Variants in DGCR2 observed in about 807,000 individuals in gnomAD.
DGCR2 encodes the protein integral membrane protein DGCR2/IDD.
In DGCR2, 24 loss-of-function variants were observed where a neutral mutation model predicts 51.6. The ratio of observed to expected loss-of-function variants is 0.47; its 90% CI spans 0.34 to 0.65. The LOEUF (loss-of-function observed/expected upper bound fraction) is 0.65, where lower values mean the gene tolerates loss of function less well. Among genes scored for constraint, DGCR2 ranks in the 30% least tolerant of loss-of-function variants. The pLI is 0.01. For synonymous variants in DGCR2, 340 were observed against 315.4 expected, an observed-to-expected ratio of 1.08 and a Z score of -0.82; for missense variants, 765 against 772.1, an observed-to-expected ratio of 0.99 and a Z score of 0.11.
chr22:19,072,157 C>T (rs1307728150), intron 2 of DGCR2, among the ~76,000 whole-genome samples: 1 of 152,112 alleles, frequency 6.6e-6, no homozygotes, highest in Non-Finnish European at 1.5e-5. Flanking sequence ...GGTTAGGGGA[C>T]ACCAGTTCAG....
Position 19,064,343 on chromosome 22 carries a change from G to C in DGCR2, c.548+505C>G, listed in dbSNP as rs568020551. Reference sequence around the variant, plus strand: ...TAAGAGTTAGTTTCCTCCCTTTGTAGCTGCAGAAGGAAAAACAACTCCGTC... The same window carrying C: ...TAAGAGTTAGTTTCCTCCCTTTGTACCTGCAGAAGGAAAAACAACTCCGTC... On this transcript the variant is annotated intron_variant, in intron 4 of 9. Coordinates refer to ENST00000263196, the MANE Select transcript of DGCR2 (RefSeq NM_005137.3). 4.5e-4 allele frequency among the ~76,000 whole-genome samples: 69 copies of C among 152,350 alleles called. 2 individuals carry two copies. Among genetic ancestry groups the C allele is most frequent in the Non-Finnish European group, 2.1e-4 (14 of 68,032 alleles).
intron 2 of DGCR2, among the ~76,000 whole-genome samples, chr22:19,074,388 C>T (rs1220119921): frequency 6.7e-6 from 1 of 150,246 alleles, no homozygotes; most frequent in Non-Finnish European, 1.5e-5. Flanking sequence ...CCACTCCACT[C>T]CAGCCTGGGC....
At chr22:19,105,184 G>A (rs2083248844) in intron 1 of DGCR2, among the ~76,000 whole-genome samples, 6 of 152,168 alleles carry the variant, frequency 3.9e-5, no homozygotes, top group Admixed American at 3.3e-4. Context: ...TTAGCTGGGC[G>A]TGGTGGCGCA....
intron 2 of DGCR2, among the ~76,000 whole-genome samples, chr22:19,085,526 GAC>G (rs2083005127): frequency 6.6e-6 from 1 of 152,220 alleles, no homozygotes; most frequent in Non-Finnish European, 1.5e-5. Flanking sequence ...TAGGGCAAAT[GAC>G]ACACAGAAGC....
intron 4 of DGCR2, among the ~76,000 whole-genome samples, chr22:19,063,530 T>TA (rs1555904168): frequency 2.0e-5 from 3 of 150,800 alleles, no homozygotes; most frequent in Admixed American, 2.0e-4. Flanking sequence ...TTTTTTTTTT[T>TA]AGTAGAGACG....
rs776627102 is a variant in DGCR2, at chr22:19,064,957, G to A, written c.439C>T (p.Arg147Cys). 6 of 1,614,014 alleles carry A rather than the reference G, an allele frequency of 3.7e-6. No individual in the cohort carries two copies. The highest frequency in any genetic ancestry group is 2.2e-5 in the East Asian group (1 of 44,886). Residue 147 changes from arginine (R) to cysteine (C), a missense_variant, in exon 4 of 10, where the codon CGC becomes TGC. By Grantham distance (180) the Arg-to-Cys change is radical. This residue lies in a region of DGCR2 where 370 missense variants were observed against 325.5 expected (regional missense o/e 1.14). Transcript: ENST00000263196. ...NYWDAAQTCQRLNGSLATFST... is the reference protein window; with the variant it reads ...NYWDAAQTCQCLNGSLATFST... ...AAGGTGGCGAGAGAGCCATTCAGGC[G>A]CTGGCAGGTCTGCGCGGCATCCCAG...
intron 2 of DGCR2, among the ~76,000 whole-genome samples, chr22:19,077,399 T>G (rs2082890400): frequency 6.6e-6 from 1 of 152,252 alleles, no homozygotes; most frequent in East Asian, 1.9e-4. Flanking sequence ...TCTTTTGATT[T>G]GTATGTCCAG....
chr22:19,082,231 T>TC (rs1338820251), intron 2 of DGCR2, among the ~76,000 whole-genome samples: 2 of 145,054 alleles, frequency 1.4e-5, no homozygotes, highest in East Asian at 4.0e-4. Context: ...TCTTTTTTTT[T>TC]TTTTTTTTTT....
chr22:19,072,973 G>A (rs1044904926), intron 2 of DGCR2, among the ~76,000 whole-genome samples: 3 of 151,980 alleles, frequency 2.0e-5, no homozygotes, highest in Admixed American at 2.0e-4. Flanking sequence ...AAATGAACAG[G>A]AGGCCAGGTG....
At chr22:19,061,650 G>T (rs560913960) in intron 5 of DGCR2, 14 of 152,080 alleles carry the variant, frequency 9.2e-5, no homozygotes, top group Non-Finnish European at 2.1e-4. Flanking sequence ...CTGCATCAAG[G>T]GCCAGTTATC....
chr22:19,062,779 A>ATTCATTCATTCTCT, intron 5 of DGCR2, among the ~76,000 whole-genome samples: 11 of 127,456 alleles, frequency 8.6e-5, no homozygotes, highest in Non-Finnish European at 1.1e-4. Flanking sequence ...ATGCATGCTC[A>ATTCATTCATTCTCT]CTCTCTCTCT....
chr22:19,043,948 C>T (rs115249810), intron 7 of DGCR2, among the ~76,000 whole-genome samples: 1 of 152,306 alleles, frequency 6.6e-6, no homozygotes, highest in African/African-American at 2.4e-5. Context: ...TTCCTGATGC[C>T]TCTGACCCTC....
At chr22:19,062,779 A>ACACTCT (rs1555903895) in intron 5 of DGCR2, among the ~76,000 whole-genome samples, 5 of 127,354 alleles carry the variant, frequency 3.9e-5, no homozygotes, top group South Asian at 5.7e-4. Flanking sequence ...ATGCATGCTC[A>ACACTCT]CTCTCTCTCT....
intron 2 of DGCR2, among the ~76,000 whole-genome samples, chr22:19,086,338 G>T (rs2083015352): frequency 6.6e-6 from 1 of 152,038 alleles, no homozygotes; most frequent in African/African-American, 2.4e-5. Context: ...AATTAGCCGG[G>T]TGTGGTAGCA....
intron 1 of DGCR2, among the ~76,000 whole-genome samples, chr22:19,118,771 T>C (rs1246256967): frequency 6.6e-6 from 1 of 152,234 alleles, no homozygotes. Context: ...GATAGAGCTG[T>C]GGCTCATGAT....
intron 2 of DGCR2, among the ~76,000 whole-genome samples, chr22:19,073,204 CAATG>C (rs2082835960): frequency 6.6e-6 from 1 of 152,164 alleles, no homozygotes; most frequent in Non-Finnish European, 1.5e-5. Flanking sequence ...TTTGAGGCTA[CAATG>C]AGCTATGACC....
At chr22:19,060,734 C>T (rs1353577656) in intron 5 of DGCR2, 1 of 354,940 alleles carries the variant, frequency 2.8e-6, no homozygotes, top group South Asian at 2.3e-5. Flanking sequence ...GCAGTTCTGT[C>T]TCCAGGGCAC....
intron 1 of DGCR2, among the ~76,000 whole-genome samples, chr22:19,102,003 C>T (rs536208232): frequency 8.0e-4 from 122 of 152,030 alleles, no homozygotes; most frequent in South Asian, 1.7e-3. Flanking sequence ...TGCAGTGAGC[C>T]GAGATCGCAT....
intron 9 of DGCR2, among the ~76,000 whole-genome samples, 179 bp downstream of exon 9, chr22:19,040,879 G>A (rs923529409): frequency 1.3e-5 from 2 of 152,232 alleles, no homozygotes; most frequent in African/African-American, 4.8e-5. Flanking sequence ...CGGCCAGGCA[G>A]GGAGATCAGG....
Sources: allele counts gnomAD v4.1 joint callset (sites outside exome capture counted in the v4.1 genomes callset), GRCh38; gene constraint gnomAD v4.1.1; regional missense constraint gnomAD v4.1.1; transcripts MANE v1.5; gene names NCBI Gene and HGNC (gene_info 2026-07-23, HGNC 2026-07-21).